The following PDE9A variants were observed in gnomAD, a reference collection of about 807,000 sequenced individuals.
PDE9A encodes the protein phosphodiesterase 9A, also known as high affinity cGMP-specific 3',5'-cyclic phosphodiesterase 9A.
In PDE9A, 60 loss-of-function variants were observed where a neutral mutation model predicts 87.4. The observed-to-expected ratio is 0.69, with a 90% CI of 0.56 to 0.85. The LOEUF (loss-of-function observed/expected upper bound fraction) is 0.85. PDE9A is among the 40% of genes least tolerant of loss of function. The pLI is 0.00. For missense variants in PDE9A, 665 were observed against 779.0 expected (o/e 0.85, Z 1.74); for synonymous variants, 272 against 279.4 (o/e 0.97, Z 0.27).
chr21:42,765,206 GT>G (rs911419205), intron 14 of PDE9A, among the ~76,000 whole-genome samples, 174 bp from the exon 15 acceptor site: 2 of 152,140 alleles, frequency 1.3e-5, no homozygotes, highest in Non-Finnish European at 2.9e-5. Flanking sequence ...GAATGGATGG[GT>G]TTTTGGGTGG....
chr21:42,771,440 A>G (rs2080558891), intron 18 of PDE9A, among the ~76,000 whole-genome samples: 1 of 152,072 alleles, frequency 6.6e-6, no homozygotes, highest in Non-Finnish European at 1.5e-5. Context: ...TGCCCCTCCC[A>G]GCCTCCTGCC....
chr21:42,713,265 G>T (rs1236386396), intron 4 of PDE9A, among the ~76,000 whole-genome samples: 2 of 152,196 alleles, frequency 1.3e-5, no homozygotes, highest in East Asian at 3.9e-4. Context: ...CTCCCGGGTA[G>T]CTGGGATTAC....
rs1040395168 is a variant in PDE9A at position 42,705,426 on chromosome 21, C to T, written c.262+6415C>T. Among the ~76,000 whole-genome samples the T allele has an allele frequency of 7.9e-5, 12 of 152,094 alleles. No homozygotes were observed. In the East Asian group the frequency reaches 2.3e-3, roughly 29 times the overall value. On this transcript the variant is annotated intron_variant, in intron 4 of 19. Coordinates refer to ENST00000291539, the MANE Select transcript of PDE9A (RefSeq NM_002606.3). This position sits in a 1 kb window ranked among gnomAD's most constrained non-coding sequence, Gnocchi z 4.3. The stretch of plus-strand genomic sequence containing the variant: ...CAGCTGATGGCGGTTGACGGGTGTC[C>T]CCCGAGTGCCCTCGGCTGCCAGGAG...
At chr21:42,713,195 T>C (rs2049504857) in intron 4 of PDE9A, among the ~76,000 whole-genome samples, 1 of 152,090 alleles carries the variant, frequency 6.6e-6, no homozygotes. Flanking sequence ...AGTGCAGTGC[T>C]GCCATCTCGG....
At chr21:42,697,887 A>C (rs2269144) in intron 3 of PDE9A, among the ~76,000 whole-genome samples, 81,196 of 152,012 alleles carry the variant, frequency 0.53, 22,144 homozygotes, top group Middle Eastern at 0.66. Flanking sequence ...AGACCCCAGC[A>C]CCATGGGACC....
intron 14 of PDE9A, 75 bp from the exon 15 acceptor site, chr21:42,765,306 C>G: frequency 5.3e-6 from 4 of 753,202 alleles, no homozygotes; most frequent in Non-Finnish European, 9.1e-6. Flanking sequence ...GCAGGGGGCT[C>G]AGTACACAGT....
chr21:42,751,734 G>A (rs999773155), intron 9 of PDE9A, among the ~76,000 whole-genome samples: 3 of 144,114 alleles, frequency 2.1e-5, no homozygotes, highest in African/African-American at 5.0e-5. Context: ...GCAAAATCCC[G>A]GCCCACCTGC....
At chr21:42,685,006 G>A (rs889916523) in intron 1 of PDE9A, among the ~76,000 whole-genome samples, 15 of 152,146 alleles carry the variant, frequency 9.9e-5, no homozygotes, top group Admixed American at 9.2e-4. Flanking sequence ...ATGGTGCGCT[G>A]GGCACCGAAA....
At chr21:42,662,153 GTTTATTA>G (rs2057550947) in intron 1 of PDE9A, among the ~76,000 whole-genome samples, 1 of 152,130 alleles carries the variant, frequency 6.6e-6, no homozygotes, top group Non-Finnish European at 1.5e-5. Flanking sequence ...ATTTTTGTTT[GTTTATTA>G]TTTATTTATC....
In PDE9A at chr21:42,685,040, G is replaced by C. The variant is rs149688328; in HGVS notation, c.70-1152G>C. Reference sequence around the variant, plus strand: ...AAAATAACCATCTTCCTAGGCCTGCGTTTCCCCCACACCGGGGACTTGTGC... The same window carrying C: ...AAAATAACCATCTTCCTAGGCCTGCCTTTCCCCCACACCGGGGACTTGTGC... On this transcript the variant is annotated intron_variant, in intron 1 of 19. Transcript: ENST00000291539. 6.9e-4 allele frequency among the ~76,000 whole-genome samples: 105 copies of C among 152,198 alleles called. 1 individual carries two copies. The East Asian group carries it at 0.018, about 26-fold the overall frequency.
intron 1 of PDE9A, among the ~76,000 whole-genome samples, chr21:42,656,269 G>A (rs1199124217): frequency 1.3e-5 from 2 of 152,170 alleles, no homozygotes; most frequent in African/African-American, 4.8e-5. Flanking sequence ...CACTGTGTTC[G>A]TCGGCACCAC....
At chr21:42,686,390 A>G (rs368629095) in intron 2 of PDE9A, 128 bp downstream of exon 2, 3 of 706,048 alleles carry the variant, frequency 4.2e-6, no homozygotes, top group East Asian at 2.7e-5. Flanking sequence ...GGGCTCTTCG[A>G]AATCAATCAA....
chr21:42,738,823 T>C (rs558592231), intron 7 of PDE9A, among the ~76,000 whole-genome samples: 1 of 152,298 alleles, frequency 6.6e-6, no homozygotes, highest in African/African-American at 2.4e-5. Flanking sequence ...GTAGCTGGAA[T>C]TACAGGCAGC....
chr21:42,666,105 TG>T (rs1171333337), intron 1 of PDE9A, among the ~76,000 whole-genome samples: 1 of 151,988 alleles, frequency 6.6e-6, no homozygotes, highest in Non-Finnish European at 1.5e-5. Flanking sequence ...AGCCCTGGGG[TG>T]GGGGCGTGGC....
chr21:42,769,252 CACAG>C (rs1252506885), intron 17 of PDE9A, 97 bp downstream of exon 17: 6 of 1,138,172 alleles, frequency 5.3e-6, no homozygotes, highest in East Asian at 2.4e-5. Flanking sequence ...CACAGGTACA[CACAG>C]ACACACACTC....
chr21:42,727,928 T>C (rs1466387802), intron 4 of PDE9A, among the ~76,000 whole-genome samples: 2 of 152,198 alleles, frequency 1.3e-5, no homozygotes, highest in African/African-American at 4.8e-5. Flanking sequence ...ACTATGTTAA[T>C]TAGCAGCAGT....
chr21:42,747,421 G>A lies in PDE9A; in HGVS notation c.653+3561G>A, dbSNP rs142806872. On this transcript the variant is annotated intron_variant, in intron 8 of 19. Coordinates refer to ENST00000291539, the MANE Select transcript of PDE9A (RefSeq NM_002606.3). ...GACAGGGTGGAGCTAGCTCAGCCCCGTGCCACACAAATGGCCAGTGTGAGC... is the reference window on the plus strand; with the variant it reads ...GACAGGGTGGAGCTAGCTCAGCCCCATGCCACACAAATGGCCAGTGTGAGC... Among the ~76,000 whole-genome samples, 53 of 152,314 alleles carry A rather than the reference G, an allele frequency of 3.5e-4. No individual in the cohort carries two copies. In the East Asian group the frequency reaches 7.7e-3, roughly 22 times the overall value.
At chr21:42,746,069 C>G (rs1159152134) in intron 8 of PDE9A, among the ~76,000 whole-genome samples, 1 of 152,216 alleles carries the variant, frequency 6.6e-6, no homozygotes, top group African/African-American at 2.4e-5. Context: ...CATTTACCGC[C>G]CACCTACAGC....
intron 1 of PDE9A, among the ~76,000 whole-genome samples, chr21:42,676,600 C>T (rs73229549): frequency 0.015 from 2,277 of 152,292 alleles, 32 homozygotes; most frequent in Non-Finnish European, 0.015. Context: ...TGGTTGTGTG[C>T]ACCTTTTCCT....
Sources: gnomAD v4.1 joint callset for allele counts (sites outside exome capture counted in the v4.1 genomes callset) on GRCh38, gnomAD v4.1.1 for gene constraint, Gnocchi (gnomAD v3.1) non-coding constraint, MANE v1.5 for transcripts, NCBI Gene and HGNC (gene_info 2026-07-23, HGNC 2026-07-21) for gene names.